Variants in IGF1R observed in about 807,000 individuals in gnomAD.
IGF1R encodes the protein insulin-like growth factor 1 receptor.
In IGF1R, 44 loss-of-function variants were observed where a neutral mutation model predicts 144.6. The observed-to-expected ratio is 0.30, with a 90% CI of 0.24 to 0.39. IGF1R has a LOEUF of 0.39. Among genes scored for constraint, IGF1R ranks in the 10% least tolerant of loss-of-function variants. IGF1R has a pLI of 1.00. For synonymous variants in IGF1R, 795 were observed against 722.8 expected, an observed-to-expected ratio of 1.10 and a Z score of -1.60; for missense variants, 1,355 against 1,833.7, an observed-to-expected ratio of 0.74 and a Z score of 4.77.
At chr15:98,917,346 A>G (rs1014349767) in intron 10 of IGF1R, among the ~76,000 whole-genome samples, 4 of 152,234 alleles carry the variant, frequency 2.6e-5, no homozygotes, top group Non-Finnish European at 4.4e-5. Flanking sequence ...CCTGACTTCA[A>G]AACATAGCCA....
intron 2 of IGF1R, among the ~76,000 whole-genome samples, chr15:98,709,050 T>G (rs530449714): frequency 1.3e-5 from 2 of 152,272 alleles, no homozygotes; most frequent in Non-Finnish European, 2.9e-5. Context: ...CAGCAATAGT[T>G]ATGTATATTG....
At chr15:98,665,020 C>A (rs1006386028) in intron 1 of IGF1R, among the ~76,000 whole-genome samples, 1 of 146,904 alleles carries the variant, frequency 6.8e-6, no homozygotes, top group African/African-American at 2.6e-5. Context: ...TGTGGTGGCG[C>A]AATCTTGGCT....
At chr15:98,828,281 C>CTT (rs201968144) in intron 2 of IGF1R, among the ~76,000 whole-genome samples, 3,214 of 151,554 alleles carry the variant, frequency 0.021, 124 homozygotes, top group African/African-American at 0.074. Flanking sequence ...CTGTTGGGAA[C>CTT]TTTTTTTTTA....
intron 1 of IGF1R, among the ~76,000 whole-genome samples, chr15:98,692,903 C>A (rs908502262): frequency 1.3e-5 from 2 of 152,064 alleles, no homozygotes; most frequent in Admixed American, 1.3e-4. Context: ...TGGGGTAAGC[C>A]TGGGTGGGGG....
chr15:98,695,147 G>A (rs897980087), intron 1 of IGF1R, among the ~76,000 whole-genome samples: 5 of 152,206 alleles, frequency 3.3e-5, no homozygotes, highest in African/African-American at 7.2e-5. Flanking sequence ...CGTGCAAACA[G>A]TGTATGCTTT....
In IGF1R at chr15:98,858,433, T is replaced by C. The variant is rs981873481; in HGVS notation, c.641-32892T>C. 1.2e-4 allele frequency among the ~76,000 whole-genome samples: 19 copies of C among 152,242 alleles called. 1 individual carries two copies. Reference sequence around the variant, plus strand: ...ACAGTGCTCTGGGGAAACATTGAAATATAAAAACATTTTCCTGAAAACATT... The same window carrying C: ...ACAGTGCTCTGGGGAAACATTGAAACATAAAAACATTTTCCTGAAAACATT... On this transcript the variant is annotated intron_variant, in intron 2 of 20. Coordinates refer to ENST00000650285, the MANE Select transcript of IGF1R (RefSeq NM_000875.5).
At chr15:98,910,333 C>T (rs997548671) in intron 6 of IGF1R, among the ~76,000 whole-genome samples, 8 of 152,200 alleles carry the variant, frequency 5.3e-5, no homozygotes, top group Non-Finnish European at 8.8e-5. Context: ...GATCATAATA[C>T]ATAGTAGCCG....
chr15:98,652,933 C>CT lies in IGF1R; in HGVS notation c.94+3258_94+3259insT, dbSNP rs1567058494. On this transcript the variant is annotated intron_variant, in intron 1 of 20. Coordinates refer to ENST00000650285, the MANE Select transcript of IGF1R (RefSeq NM_000875.5). ...GTATGTGAATTATATCTCAATAAACCCTTTTTTTTTTTTTTAAAGAAATGT... is the reference window on the plus strand; with the variant it reads ...GTATGTGAATTATATCTCAATAAACCTCTTTTTTTTTTTTTTAAAGAAATGT... Among the ~76,000 whole-genome samples the CT allele has an allele frequency of 1.2e-4, 15 of 123,158 alleles. No individual in the cohort carries two copies. The East Asian group carries it at 2.7e-3, about 22-fold the overall frequency. The allele number at this position is 123,158 out of a possible 152,430, so 80.8% of individuals were successfully genotyped here.
chr15:98,797,038 C>T (rs2056259711), intron 2 of IGF1R, among the ~76,000 whole-genome samples: 1 of 152,302 alleles, frequency 6.6e-6, no homozygotes, highest in African/African-American at 2.4e-5. Flanking sequence ...GTCCATGCCC[C>T]GCATTTCTGA....
chr15:98,698,315 G>T (rs2053644805), intron 1 of IGF1R, among the ~76,000 whole-genome samples: 1 of 152,132 alleles, frequency 6.6e-6, no homozygotes, highest in Non-Finnish European at 1.5e-5. Context: ...GGGATCACAG[G>T]TGTGAGCCAC....
intron 2 of IGF1R, among the ~76,000 whole-genome samples, chr15:98,836,623 AAT>A (rs1401385438): frequency 1.3e-5 from 2 of 152,154 alleles, no homozygotes; most frequent in African/African-American, 4.8e-5. Flanking sequence ...AGAAATTAAC[AAT>A]GACACAATAC....
intron 2 of IGF1R, among the ~76,000 whole-genome samples, chr15:98,882,426 C>T (rs1409172561): frequency 1.3e-5 from 2 of 152,202 alleles, no homozygotes; most frequent in African/African-American, 4.8e-5. Flanking sequence ...AAGAGTCACC[C>T]AGGTTTTTGT....
chr15:98,835,220 C>T (rs1434537087), intron 2 of IGF1R, among the ~76,000 whole-genome samples: 2 of 151,484 alleles, frequency 1.3e-5, no homozygotes, highest in Non-Finnish European at 3.0e-5. Context: ...GACCTACACC[C>T]ACACACCAGG....
chr15:98,765,395 G>A (rs2055413227), intron 2 of IGF1R, among the ~76,000 whole-genome samples: 1 of 133,290 alleles, frequency 7.5e-6, no homozygotes, highest in South Asian at 2.3e-4. Flanking sequence ...TGCAACCTCT[G>A]CCTCCCAGGT....
chr15:98,918,803 C>G (rs558902820), intron 10 of IGF1R, among the ~76,000 whole-genome samples: 1 of 152,062 alleles, frequency 6.6e-6, no homozygotes, highest in East Asian at 1.9e-4. Flanking sequence ...CGCTTGAACC[C>G]GGGAGGTGGA....
rs2016092736 is a variant in IGF1R, at chr15:98,935,134, A to G, written c.3186+81A>G. On this transcript the variant is annotated intron_variant, in intron 16 of 20. Coordinates refer to ENST00000650285, the MANE Select transcript of IGF1R (RefSeq NM_000875.5). This position sits in a 1 kb window ranked among gnomAD's most constrained non-coding sequence, Gnocchi z 4.2. Reference sequence around the variant, plus strand: ...AGCCTCCCAGTATGTTCTTGGCTGCATGTACCCGTGGGTTTGGTGTCTTGC... The same window carrying G: ...AGCCTCCCAGTATGTTCTTGGCTGCGTGTACCCGTGGGTTTGGTGTCTTGC... The G allele has an allele frequency of 1.4e-5, 17 of 1,241,220 alleles. No homozygotes were observed. The South Asian group carries it at 2.0e-4, about 14-fold the overall frequency. The allele number at this position is 1,241,220 out of a possible 1,614,324, so 76.9% of individuals were successfully genotyped here. A position where few individuals can be genotyped will look rare whatever the true frequency, so the allele number is the denominator to read the frequency against.
At chr15:98,675,706 T>A (rs1204264882) in intron 1 of IGF1R, among the ~76,000 whole-genome samples, 1 of 152,190 alleles carries the variant, frequency 6.6e-6, no homozygotes, top group Non-Finnish European at 1.5e-5. Context: ...AGAATGTATT[T>A]GTAGTTAAGT....
At chr15:98,822,977 A>G (rs1364901467) in intron 2 of IGF1R, among the ~76,000 whole-genome samples, 1 of 152,226 alleles carries the variant, frequency 6.6e-6, no homozygotes, top group Non-Finnish European at 1.5e-5. Context: ...CCCACTTGAA[A>G]ACAAACTTTG....
chr15:98,712,025 G>T (rs1253653687), intron 2 of IGF1R, among the ~76,000 whole-genome samples: 6 of 152,092 alleles, frequency 3.9e-5, no homozygotes, highest in Admixed American at 2.6e-4. Flanking sequence ...CACCCTCATG[G>T]CCTAATCACC....
Sources: gnomAD v4.1 joint callset for allele counts (sites outside exome capture counted in the v4.1 genomes callset) on GRCh38, gnomAD v4.1.1 for gene constraint, Gnocchi (gnomAD v3.1) non-coding constraint, MANE v1.5 for transcripts, NCBI Gene and HGNC (gene_info 2026-07-23, HGNC 2026-07-21) for gene names.